TXN: variants seen among roughly 807,000 people sequenced by gnomAD.
TXN encodes the protein ADF.
In TXN, 10 loss-of-function variants were observed where a neutral mutation model predicts 16.5. The ratio of observed to expected loss-of-function variants is 0.61; its 90% confidence interval spans 0.37 to 1.03. TXN has a LOEUF of 1.03. TXN is among the 50% of genes least tolerant of loss of function. The pLI is 0.01. For missense variants in TXN, 71 were observed against 122.5 expected, an observed-to-expected ratio of 0.58 and a Z score of 1.98; for synonymous variants, 35 against 39.4, an observed-to-expected ratio of 0.89 and a Z score of 0.42.
rs931058084 is a variant in TXN at position 110,256,138 on chromosome 9, G to A, written c.24+274C>T. On this transcript the variant is annotated intron_variant, in intron 1 of 4. Coordinates refer to ENST00000374517, the MANE Select transcript of TXN (RefSeq NM_003329.4). The surrounding 1 kb of genome is among the most constrained non-coding windows in gnomAD (Gnocchi z 4.2). Reference sequence around the variant, plus strand: ...GTGCGTGCAATCCCCCGAGGAACAGGGTGCGAGAAACGCTGGGCACCGCCA... The same window carrying A: ...GTGCGTGCAATCCCCCGAGGAACAGAGTGCGAGAAACGCTGGGCACCGCCA... Among the ~76,000 whole-genome samples, 3 of 152,112 alleles carry A rather than the reference G, an allele frequency of 2.0e-5. No homozygotes were observed. Among genetic ancestry groups the A allele is most frequent in the African/African-American group, 7.2e-5 (3 of 41,440 alleles).
At chr9:110,254,535 AAC>A (rs1265312272) in intron 1 of TXN, among the ~76,000 whole-genome samples, 2 of 152,236 alleles carry the variant, frequency 1.3e-5, no homozygotes, top group Admixed American at 6.5e-5. Context: ...AAAACAAACT[AAC>A]AGACAAATAA....
intron 2 of TXN, 128 bp downstream of exon 2, chr9:110,251,230 C>G (rs1225459652): frequency 2.7e-6 from 2 of 728,114 alleles, no homozygotes; most frequent in Non-Finnish European, 2.4e-6. Context: ...ACTTTTAGAC[C>G]AAAGATCCAG....
intron 1 of TXN, among the ~76,000 whole-genome samples, chr9:110,252,939 T>G (rs1180700873): frequency 6.6e-6 from 1 of 152,048 alleles, no homozygotes; most frequent in African/African-American, 2.4e-5. Flanking sequence ...CATTAGTACG[T>G]TAGTGCTGAC....
In TXN at chr9:110,245,658, T is replaced by A. The variant is rs868125206; in HGVS notation, c.190-815A>T. Among the ~76,000 whole-genome samples, 498 of 90,794 alleles carry A rather than the reference T, an allele frequency of 5.5e-3. 1 individual carries two copies. The highest frequency in any genetic ancestry group is 0.052 in the East Asian group (53 of 1,016). The allele number at this position is 90,794 out of a possible 152,430, so 59.6% of individuals were successfully genotyped here. A position where few individuals can be genotyped will look rare whatever the true frequency, so the allele number is the denominator to read the frequency against. ...TATATATATATATATATATATATTTTTTTTTTTTTTTTTTTATAGGGACAA... is the reference window on the plus strand; with the variant it reads ...TATATATATATATATATATATATTTATTTTTTTTTTTTTTTATAGGGACAA... On this transcript the variant is annotated intron_variant, in intron 3 of 4. Transcript: ENST00000374517.
chr9:110,250,804 A>G lies in TXN; in HGVS notation c.189+16T>C. On this transcript the variant is annotated intron_variant, in intron 3 of 4. Transcript: ENST00000374517. ...TGTGAAAAGCTCAGCAGTATCTCAT[A>G]TTTCCAGCTACATACCTGACAGTCA... is the stretch of plus-strand genomic sequence containing the variant. 6.3e-7 allele frequency: 1 copy of G among 1,598,720 alleles called. No homozygotes were observed.
At chr9:110,250,394 C>G (rs1324497806) in intron 3 of TXN, among the ~76,000 whole-genome samples, 1 of 152,210 alleles carries the variant, frequency 6.6e-6, no homozygotes, top group African/African-American at 2.4e-5. Context: ...CTAAAATCAA[C>G]CAAGACTAGA....
At chr9:110,245,651 T>C (rs1236837134) in intron 3 of TXN, among the ~76,000 whole-genome samples, 1 of 21,806 alleles carries the variant, frequency 4.6e-5, no homozygotes, top group Non-Finnish European at 8.2e-5. Flanking sequence ...TATATATATA[T>C]ATATTTTTTT....
At chr9:110,245,322 G>T (rs907053871) in intron 3 of TXN, among the ~76,000 whole-genome samples, 2 of 151,374 alleles carry the variant, frequency 1.3e-5, no homozygotes, top group African/African-American at 4.9e-5. Context: ...ATTATATAAA[G>T]GCTAAAAAGT....
intron 1 of TXN, among the ~76,000 whole-genome samples, chr9:110,255,901 G>A (rs923269789): frequency 6.6e-6 from 1 of 152,214 alleles, no homozygotes. Context: ...ATACGGAAAG[G>A]CAGCGGCGGC....
intron 3 of TXN, among the ~76,000 whole-genome samples, chr9:110,250,026 G>A (rs1404793132): frequency 1.0e-5 from 1 of 97,912 alleles, no homozygotes; most frequent in Non-Finnish European, 2.2e-5. Context: ...CTAGGTCTGT[G>A]GTCATGTGCT....
chr9:110,249,533 G>A (rs1280063554), intron 3 of TXN, among the ~76,000 whole-genome samples: 1 of 152,124 alleles, frequency 6.6e-6, no homozygotes, highest in Non-Finnish European at 1.5e-5. Flanking sequence ...GATTCACTGG[G>A]TACTTAGGGC....
Position 110,256,378 on chromosome 9 carries a change from C to G in TXN, c.24+34G>C, listed in dbSNP as rs756135473. ...CCCCAGTTACAGAGGCCGCGCGCGG[C>G]GCCGGCACCCTGGCCTTCCCCGGTA... On this transcript the variant is annotated intron_variant, in intron 1 of 4. Coordinates refer to ENST00000374517, the MANE Select transcript of TXN (RefSeq NM_003329.4). This position sits in a 1 kb window ranked among gnomAD's most constrained non-coding sequence, Gnocchi z 4.2. 2 of 1,598,466 alleles carry G rather than the reference C, an allele frequency of 1.3e-6. No individual in the cohort carries two copies. Among genetic ancestry groups the G allele is most frequent in the Non-Finnish European group, 1.7e-6 (2 of 1,172,936 alleles).
rs373433889 is a variant in TXN, at chr9:110,251,438, C to T, written c.49G>A (p.Ala17Thr). The T allele has an allele frequency of 1.2e-5, 19 of 1,611,304 alleles. No individual in the cohort carries two copies. The highest frequency in any genetic ancestry group is 1.1e-4 in the East Asian group (5 of 44,846). ...ACTACTACAAGTTTATCACCTGCAG[C>T]GTCCAAGGCTTCCTGAAAAGCAGTC... ...SKTAFQEALD[A>T]AGDKLVVVDF... The change falls in exon 2 of 5, where the codon GCT (alanine) becomes ACT (threonine). Residue 17 changes from alanine (A) to threonine (T), a missense_variant. Ala to Thr is a moderately conservative substitution (Grantham distance 58). Coordinates refer to ENST00000374517, the MANE Select transcript of TXN (RefSeq NM_003329.4).
chr9:110,244,868 G>C (rs1050282949), intron 3 of TXN, 25 bp from the exon 4 acceptor site: 9 of 1,600,898 alleles, frequency 5.6e-6, no homozygotes, highest in African/African-American at 1.3e-5. Context: ...AGCAAAGGGA[G>C]AGGATTAAAT....
intron 1 of TXN, 124 bp from the exon 2 acceptor site, chr9:110,251,586 CAAAAAAAAAAAAA>C (rs5899890): frequency 3.0e-4 from 17 of 56,298 alleles, no homozygotes; most frequent in South Asian, 2.0e-3. Flanking sequence ...ACTTTTTAGC[CAAAAAAAAAAAAA>C]AAAAAAAAAA....
In TXN at chr9:110,256,001, C is replaced by T. The variant is rs1265713776; in HGVS notation, c.24+411G>A. Among the ~76,000 whole-genome samples the T allele has an allele frequency of 6.6e-5, 10 of 152,340 alleles. No homozygotes were observed. The East Asian group carries it at 1.9e-3, about 29-fold the overall frequency. On this transcript the variant is annotated intron_variant, in intron 1 of 4. Coordinates refer to ENST00000374517, the MANE Select transcript of TXN (RefSeq NM_003329.4). This position sits in a 1 kb window ranked among gnomAD's most constrained non-coding sequence, Gnocchi z 4.2. ...ATGGGGGGCCAAGGGCGGACCCCTT[C>T]CATTCCCTCATCTTCCTCCAGTCGG...
At chr9:110,250,982 A>G in intron 2 of TXN, 103 bp from the exon 3 acceptor site, 1 of 826,490 alleles carries the variant, frequency 1.2e-6, no homozygotes, top group Admixed American at 2.9e-5. Flanking sequence ...GTAGAGACTA[A>G]TTAAAGATCC....
At chr9:110,249,091 C>T (rs556221356) in intron 3 of TXN, among the ~76,000 whole-genome samples, 28 of 127,092 alleles carry the variant, frequency 2.2e-4, no homozygotes, top group Admixed American at 1.0e-3. Flanking sequence ...CATGCCACTG[C>T]ACTCCACCCC....
At chr9:110,251,585 CCAAAAAA>C (rs1837737566) in intron 1 of TXN, 123 bp from the exon 2 acceptor site, 5 of 21,200 alleles carry the variant, frequency 2.4e-4, no homozygotes, top group Non-Finnish European at 4.4e-4. Flanking sequence ...TACTTTTTAG[CCAAAAAA>C]AAAAAAAAAA....
Sources: allele counts gnomAD v4.1 joint callset (sites outside exome capture counted in the v4.1 genomes callset), GRCh38; gene constraint gnomAD v4.1.1; non-coding constraint Gnocchi (gnomAD v3.1); transcripts MANE v1.5; gene names NCBI Gene and HGNC (gene_info 2026-07-23, HGNC 2026-07-21).